The following MCF2L2 variants were observed in gnomAD, a reference collection of about 807,000 sequenced individuals.
The protein encoded by MCF2L2 is probable guanine nucleotide exchange factor MCF2L2.
In MCF2L2, 102 loss-of-function variants were observed where a neutral mutation model predicts 150.2. The ratio of observed to expected loss-of-function variants is 0.68; its 90% confidence interval spans 0.58 to 0.80. MCF2L2 has a LOEUF of 0.80. Among genes scored for constraint, MCF2L2 ranks in the 30% least tolerant of loss-of-function variants. The pLI, the probability that MCF2L2 is intolerant of heterozygous loss-of-function variation, is 0.00. For synonymous variants in MCF2L2, 465 were observed against 491.3 expected (o/e 0.95, Z 0.71); for missense variants, 1,256 against 1,372.8 (o/e 0.91, Z 1.34).
At chr3:183,318,665 T>G (rs1237421011) in intron 6 of MCF2L2, among the ~76,000 whole-genome samples, 1 of 152,174 alleles carries the variant, frequency 6.6e-6, no homozygotes, top group Non-Finnish European at 1.5e-5. Flanking sequence ...ACCTCAGAGA[T>G]ATTGTGGGTT....
chr3:183,224,306 TG>T (rs1027916737), intron 18 of MCF2L2, 116 bp from the exon 19 acceptor site: 4 of 684,762 alleles, frequency 5.8e-6, no homozygotes, highest in African/African-American at 3.6e-5. Context: ...TGTAAGGAAT[TG>T]GGGGTGTACA....
At chr3:183,311,081 G>T (rs1335030236) in intron 8 of MCF2L2, 52 bp from the exon 9 acceptor site, 1 of 1,151,676 alleles carries the variant, frequency 8.7e-7, no homozygotes, top group African/African-American at 1.5e-5. Flanking sequence ...ATTTCCACAG[G>T]CATCCATATA....
At chr3:183,321,140 T>C (rs1342604228) in intron 6 of MCF2L2, among the ~76,000 whole-genome samples, 1 of 152,140 alleles carries the variant, frequency 6.6e-6, no homozygotes, top group African/African-American at 2.4e-5. Context: ...AGATCACTGT[T>C]ACAAATATAA....
chr3:183,383,888 A>G lies in MCF2L2; in HGVS notation c.161-4477T>C, dbSNP rs1713679615. On this transcript the variant is annotated intron_variant, in intron 2 of 29. Coordinates refer to ENST00000328913, the MANE Select transcript of MCF2L2 (RefSeq NM_015078.4). Reference sequence around the variant, plus strand: ...TTCCCTTGCTGTTAAGTTTGTTCAAATGACTGTGACAAGTTCAAGTCAATG... The same window carrying G: ...TTCCCTTGCTGTTAAGTTTGTTCAAGTGACTGTGACAAGTTCAAGTCAATG... Among the ~76,000 whole-genome samples, 3 of 152,274 alleles carry G rather than the reference A, an allele frequency of 2.0e-5. No homozygotes were observed. In the South Asian group the frequency reaches 6.2e-4, roughly 32 times the overall value.
intron 1 of MCF2L2, among the ~76,000 whole-genome samples, chr3:183,422,490 G>A (rs557253280): frequency 1.3e-5 from 2 of 152,244 alleles, no homozygotes; most frequent in South Asian, 2.1e-4. Context: ...TTCTCAGCCC[G>A]CTGTACCTGG....
At chr3:183,375,367 C>T (rs1218850308) in intron 3 of MCF2L2, 1 of 152,202 alleles carries the variant, frequency 6.6e-6, no homozygotes, top group East Asian at 1.9e-4. Context: ...TCCAAGAACC[C>T]TCTCTTACAG....
chr3:183,310,876 T>G (rs1271002749), intron 9 of MCF2L2, 39 bp downstream of exon 9: 9 of 1,409,284 alleles, frequency 6.4e-6, no homozygotes, highest in Non-Finnish European at 9.0e-6. Context: ...GAGGTCCCGG[T>G]ACCAGAAAAG....
At chr3:183,207,316 T>C (rs962220352) in intron 23 of MCF2L2, among the ~76,000 whole-genome samples, 1 of 152,216 alleles carries the variant, frequency 6.6e-6, no homozygotes, top group Non-Finnish European at 1.5e-5. Flanking sequence ...TTCAACTCTC[T>C]TTTACCTCTT....
chr3:183,251,399 C>T (rs1724520098), intron 15 of MCF2L2, among the ~76,000 whole-genome samples: 1 of 152,188 alleles, frequency 6.6e-6, no homozygotes, highest in Non-Finnish European at 1.5e-5. Context: ...TTAGTCTCCC[C>T]TCCCCACTAC....
At chr3:183,310,870 TC>T (rs1577053842) in intron 9 of MCF2L2, 44 bp downstream of exon 9, 1 of 1,333,036 alleles carries the variant, frequency 7.5e-7, no homozygotes, top group East Asian at 2.3e-5. Context: ...AAACCAGAGG[TC>T]CCGGTACCAG....
chr3:183,300,128 T>C lies in MCF2L2; in HGVS notation c.1182A>G (p.Ala394=). The change falls in exon 11 of 30, where the codon GCA becomes GCG. Residue 394 remains alanine (A), a synonymous_variant. Transcript: ENST00000328913. ...CACACCGGGGCCTGATGGCATCTGC[T>C]GCATAATGGTGGCTTTGGATGAGCT... is the stretch of plus-strand genomic sequence containing the variant. ...GDQLIQSHHY[A]ADAIRPRCVE... 1 of 1,613,986 alleles carries C rather than the reference T, an allele frequency of 6.2e-7. No individual in the cohort carries two copies. The highest frequency in any genetic ancestry group is 8.5e-7 in the Non-Finnish European group (1 of 1,179,978).
chr3:183,222,223 T>C (rs1407518597), intron 20 of MCF2L2, among the ~76,000 whole-genome samples: 1 of 152,156 alleles, frequency 6.6e-6, no homozygotes, highest in South Asian at 2.1e-4. Context: ...TTAACCTTCC[T>C]GAGCCTCAGT....
At chr3:183,352,624 G>T (rs771833824) in intron 3 of MCF2L2, among the ~76,000 whole-genome samples, 64 of 152,184 alleles carry the variant, frequency 4.2e-4, no homozygotes, top group Non-Finnish European at 5.7e-4. Context: ...TGCTTCCACT[G>T]CACAGGAAAG....
At chr3:183,335,852 C>T (rs4859168) in intron 5 of MCF2L2, among the ~76,000 whole-genome samples, 39,246 of 151,784 alleles carry the variant, frequency 0.26, 7,256 homozygotes, top group African/African-American at 0.52. Context: ...CAGAGAGAGA[C>T]CCCATCTCTA....
At chr3:183,293,667 A>G (rs1186411232) in intron 13 of MCF2L2, among the ~76,000 whole-genome samples, 4 of 152,214 alleles carry the variant, frequency 2.6e-5, no homozygotes, top group African/African-American at 9.6e-5. Context: ...TTGGGAAAAC[A>G]CACAGATGTC....
chr3:183,328,899 T>C (rs1419750977), intron 5 of MCF2L2, among the ~76,000 whole-genome samples: 1 of 151,904 alleles, frequency 6.6e-6, no homozygotes, highest in Non-Finnish European at 1.5e-5. Context: ...AAAGAACATA[T>C]ACAGATGGAA....
intron 1 of MCF2L2, among the ~76,000 whole-genome samples, chr3:183,403,469 A>T (rs1714879287): frequency 6.6e-6 from 1 of 152,206 alleles, no homozygotes; most frequent in Non-Finnish European, 1.5e-5. Context: ...GGGGGTTTTT[A>T]AACAAAGAGC....
At chr3:183,370,776 C>A (rs1340331831) in intron 3 of MCF2L2, among the ~76,000 whole-genome samples, 1 of 104,602 alleles carries the variant, frequency 9.6e-6, no homozygotes, top group Admixed American at 8.7e-5. Context: ...CTTAAATTCT[C>A]GTGACATGTA....
chr3:183,203,169 T>C (rs1261579256), intron 25 of MCF2L2, among the ~76,000 whole-genome samples: 1 of 151,814 alleles, frequency 6.6e-6, no homozygotes, highest in Non-Finnish European at 1.5e-5. Flanking sequence ...GCTGAGATCA[T>C]GCCATTGCAC....
Sources: allele counts gnomAD v4.1 joint callset (sites outside exome capture counted in the v4.1 genomes callset), GRCh38; gene constraint gnomAD v4.1.1; transcripts MANE v1.5; gene names NCBI Gene and HGNC (gene_info 2026-07-23, HGNC 2026-07-21).